CD72: variants seen among roughly 807,000 people sequenced by gnomAD.
The protein encoded by CD72 is B-cell differentiation antigen CD72.
Under a neutral mutation model 50.7 loss-of-function variants are expected in CD72, and 28 were observed. The ratio of observed to expected loss-of-function variants is 0.55; its 90% confidence interval spans 0.41 to 0.76. The LOEUF (loss-of-function observed/expected upper bound fraction) is 0.76. Among genes scored for constraint, CD72 ranks in the 30% least tolerant of loss-of-function variants. The pLI is 0.00. For missense variants in CD72, 403 were observed against 420.6 expected (o/e 0.96, Z 0.37); for synonymous variants, 176 against 171.2 (o/e 1.03, Z -0.22).
At chr9:35,622,381 G>A (rs779988193), upstream of CD72, among the ~76,000 whole-genome samples, 1 of 152,164 alleles carries the variant, frequency 6.6e-6, no homozygotes, top group African/African-American at 2.4e-5. Flanking sequence ...CAGAAAGCAC[G>A]TTCTCTGTGC....
chr9:35,626,471 T>C (rs1156849960), intron 1 of CD72, among the ~76,000 whole-genome samples: 1 of 152,236 alleles, frequency 6.6e-6, no homozygotes, highest in Admixed American at 6.5e-5. Flanking sequence ...TAGAATATTC[T>C]ATAAACTTAG....
At chr9:35,636,156 T>C (rs913793671) in intron 1 of CD72, among the ~76,000 whole-genome samples, 1 of 152,110 alleles carries the variant, frequency 6.6e-6, no homozygotes, top group African/African-American at 2.4e-5. Flanking sequence ...GTTTTGTAGG[T>C]TGTTTAACAG....
upstream of CD72, chr9:35,618,676 G>T (rs1587903782): frequency 1.2e-6 from 1 of 848,410 alleles, no homozygotes; most frequent in Non-Finnish European, 1.7e-6. Flanking sequence ...GCCCTGATCT[G>T]CCCCACCCTC....
At chr9:35,626,462 A>C (rs748420402) in intron 1 of CD72, among the ~76,000 whole-genome samples, 3 of 152,262 alleles carry the variant, frequency 2.0e-5, no homozygotes, top group Non-Finnish European at 2.9e-5. Context: ...CAAAGGATTT[A>C]GAATATTCTA....
At chr9:35,632,931 T>C (rs569107943) in intron 1 of CD72, among the ~76,000 whole-genome samples, 1 of 150,558 alleles carries the variant, frequency 6.6e-6, no homozygotes, top group Admixed American at 6.6e-5. Flanking sequence ...TTTTTAGTTT[T>C]TTTTTTTTTT....
upstream of CD72, among the ~76,000 whole-genome samples, chr9:35,623,455 C>A (rs990893217): frequency 2.6e-5 from 4 of 152,216 alleles, no homozygotes; most frequent in African/African-American, 9.7e-5. Context: ...GCCAGCCACA[C>A]CTATAGCCCT....
At position 35,616,078 on chromosome 9, in the gene CD72, G is replaced by A; in HGVS notation, c.553C>T (p.Leu185=). 1 of 1,614,114 alleles carries A rather than the reference G, an allele frequency of 6.2e-7. No individual in the cohort carries two copies. Among genetic ancestry groups the A allele is most frequent in the Non-Finnish European group, 8.5e-7 (1 of 1,180,036 alleles). Residue 185 remains leucine (L), a synonymous_variant, in exon 5 of 9, where the codon CTA becomes TTA. Coordinates refer to ENST00000259633, the MANE Select transcript of CD72 (RefSeq NM_001782.3). ...TGTCTGTCTGCCTGGCAGGCCTGTA[G>A]CTGCCCTTCGGCCGCCTGATGAGCC... ...QRAHQAAEGQ[L]QACQADRQKT...
At chr9:35,620,499 G>T (rs1295299874), upstream of CD72, among the ~76,000 whole-genome samples, 1 of 151,558 alleles carries the variant, frequency 6.6e-6, no homozygotes, top group African/African-American at 2.4e-5. Context: ...TGGAATACAT[G>T]GGCTTGCTGC....
In CD72 at chr9:35,616,046, C is replaced by A. The variant is rs560994961; in HGVS notation, c.585G>T (p.Thr195=). The A allele has an allele frequency of 6.2e-7, 1 of 1,614,042 alleles. No individual in the cohort carries two copies. The highest frequency in any genetic ancestry group is 1.3e-5 in the African/African-American group (1 of 74,916). Residue 195 remains threonine, a synonymous_variant, in exon 5 of 9, where the codon ACG becomes ACT. Transcript: ENST00000259633. ...GCTCCTCACTTTGCAAGGTCTCCTTCGTCTTCTGTCTGTCTGCCTGGCAGG... is the reference window on the plus strand; with the variant it reads ...GCTCCTCACTTTGCAAGGTCTCCTTAGTCTTCTGTCTGTCTGCCTGGCAGG... ...LQACQADRQK[T]KETLQSEEQQ... is the part of the protein sequence containing the mutation.
At chr9:35,636,967 G>T (rs970946733) in intron 1 of CD72, among the ~76,000 whole-genome samples, 5 of 152,148 alleles carry the variant, frequency 3.3e-5, no homozygotes, top group African/African-American at 1.2e-4. Flanking sequence ...ATTGTGATTT[G>T]TTTCTGCCCC....
chr9:35,644,689 T>A (rs1161449475), intron 1 of CD72, among the ~76,000 whole-genome samples: 1 of 152,162 alleles, frequency 6.6e-6, no homozygotes, highest in African/African-American at 2.4e-5. Context: ...AGGGATCTGA[T>A]TAACTCACAC....
chr9:35,638,530 C>T (rs376352888), intron 1 of CD72, among the ~76,000 whole-genome samples: 118 of 151,922 alleles, frequency 7.8e-4, no homozygotes, highest in East Asian at 2.5e-3. Context: ...TGGGTACATG[C>T]GCCTTTTTCT....
upstream of CD72, among the ~76,000 whole-genome samples, chr9:35,620,350 G>T (rs957519489): frequency 3.3e-5 from 5 of 151,764 alleles, no homozygotes; most frequent in African/African-American, 2.4e-5. Flanking sequence ...CGAACCTGTA[G>T]TCCCAGCTAC....
intron 5 of CD72, among the ~76,000 whole-genome samples, chr9:35,614,658 C>T (rs1823040019): frequency 1.3e-5 from 2 of 152,048 alleles, no homozygotes; most frequent in African/African-American, 4.8e-5. Flanking sequence ...TTGGGTTCAT[C>T]CAGAGTTCAA....
At chr9:35,627,601 A>G (rs1823207902) in intron 1 of CD72, among the ~76,000 whole-genome samples, 1 of 152,070 alleles carries the variant, frequency 6.6e-6, no homozygotes, top group African/African-American at 2.4e-5. Context: ...AACTTTAACC[A>G]CCACAGCCTG....
chr9:35,624,258 AT>A (rs1415806336), upstream of CD72, among the ~76,000 whole-genome samples: 6 of 143,448 alleles, frequency 4.2e-5, no homozygotes, highest in East Asian at 2.0e-4. Flanking sequence ...AATAATAATA[AT>A]AATAAATTTA....
chr9:35,612,921 C>A lies in CD72; in HGVS notation c.761G>T (p.Trp254Leu), dbSNP rs146155029. 92 of 1,613,848 alleles carry A rather than the reference C, an allele frequency of 5.7e-5. 2 individuals are homozygous for A. In the Admixed American group the frequency reaches 1.3e-3, roughly 23 times the overall value. Residue 254 changes from tryptophan to leucine, a missense_variant, in exon 6 of 9, where the codon TGG becomes TTG. Coordinates refer to ENST00000259633, the MANE Select transcript of CD72 (RefSeq NM_001782.3). ...CFYISLTSKN[W>L]QESQKQCETL... ...TTCACATTGTTTTTGGCTCTCCTGC[C>A]AATTTTTTGAAGTAAGTGAGATGTA...
intron 1 of CD72, among the ~76,000 whole-genome samples, chr9:35,644,566 C>T (rs1823370437): frequency 6.6e-6 from 1 of 152,052 alleles, no homozygotes; most frequent in South Asian, 2.1e-4. Flanking sequence ...GGTTCAGCTT[C>T]TGGAAGTGTT....
chr9:35,646,066 A>C (rs961009291), intron 1 of CD72, among the ~76,000 whole-genome samples: 6 of 152,042 alleles, frequency 3.9e-5, no homozygotes, highest in African/African-American at 1.2e-4. Context: ...AGGCTGAGGC[A>C]GGAGAATCTC....
Sources: gnomAD v4.1 joint callset for allele counts (sites outside exome capture counted in the v4.1 genomes callset) on GRCh38, gnomAD v4.1.1 for gene constraint, MANE v1.5 for transcripts, NCBI Gene and HGNC (gene_info 2026-07-23, HGNC 2026-07-21) for gene names.